The following WWC2 variants were observed in gnomAD, a reference collection of about 807,000 sequenced individuals.
The protein encoded by WWC2 is protein WWC2.
Under a neutral mutation model 138.5 loss-of-function variants are expected in WWC2, and 101 were observed. The ratio of observed to expected loss-of-function variants is 0.73; its 90% confidence interval spans 0.62 to 0.86. The LOEUF is 0.86. Among genes scored for constraint, WWC2 ranks in the 40% least tolerant of loss-of-function variants. WWC2 has a pLI of 0.00. For missense variants in WWC2, 1,420 were observed against 1,419.4 expected, an observed-to-expected ratio of 1.00 and a Z score of -0.01; for synonymous variants, 558 against 538.4, an observed-to-expected ratio of 1.04 and a Z score of -0.50.
intron 1 of WWC2, 102 bp from the exon 2 acceptor site, chr4:183,193,497 G>A (rs2111210575): frequency 1.1e-6 from 1 of 937,276 alleles, no homozygotes; most frequent in Non-Finnish European, 1.6e-6. Flanking sequence ...TTTTCTTTAA[G>A]ATTTTAAATG....
chr4:183,170,882 A>G (rs1017781789), intron 1 of WWC2, among the ~76,000 whole-genome samples: 8 of 150,226 alleles, frequency 5.3e-5, no homozygotes, highest in Admixed American at 2.7e-4. Context: ...GTCTCGCTAT[A>G]TTTCCTAGAC....
intron 4 of WWC2, among the ~76,000 whole-genome samples, chr4:183,209,259 GT>G (rs917803498): frequency 6.6e-6 from 1 of 152,006 alleles, no homozygotes; most frequent in Non-Finnish European, 1.5e-5. Context: ...TTGTTTGTTT[GT>G]TTTTTTGAGA....
intron 9 of WWC2, among the ~76,000 whole-genome samples, chr4:183,257,335 A>C (rs922435628): frequency 6.6e-6 from 1 of 152,178 alleles, no homozygotes; most frequent in African/African-American, 2.4e-5. Context: ...TATAGATGAC[A>C]TGAAATTTTC....
rs534817084 is a variant in WWC2, at chr4:183,134,658, A to T, written c.131+35036A>T. Among the ~76,000 whole-genome samples the T allele has an allele frequency of 3.9e-5, 6 of 151,940 alleles. No individual in the cohort carries two copies. In the East Asian group the frequency reaches 1.2e-3, roughly 29 times the overall value. ...TCTCACCATGAATTCTAGTTTGTGA[A>T]TTTTTTCACATAATTCTCATGATTT... On this transcript the variant is annotated intron_variant, in intron 1 of 22. Coordinates refer to ENST00000403733, the MANE Select transcript of WWC2 (RefSeq NM_024949.6).
intron 1 of WWC2, among the ~76,000 whole-genome samples, chr4:183,171,898 C>A (rs1734296865): frequency 6.6e-6 from 1 of 152,130 alleles, no homozygotes; most frequent in Non-Finnish European, 1.5e-5. Flanking sequence ...CATGTGCCTC[C>A]CTCCCCTCAT....
intron 8 of WWC2, among the ~76,000 whole-genome samples, chr4:183,250,241 T>C (rs375764404): frequency 7.6e-6 from 1 of 131,632 alleles, no homozygotes; most frequent in African/African-American, 2.9e-5. Context: ...ACTTGCCCCC[T>C]TCTCCTCTGA....
chr4:183,115,125 T>A (rs542697002), intron 1 of WWC2, among the ~76,000 whole-genome samples: 2 of 152,298 alleles, frequency 1.3e-5, no homozygotes. Context: ...ACATGCGGTA[T>A]TTGGTTTTCT....
intron 2 of WWC2, among the ~76,000 whole-genome samples, chr4:183,203,967 G>A (rs1345145175): frequency 1.3e-5 from 2 of 152,122 alleles, no homozygotes; most frequent in Admixed American, 6.5e-5. Context: ...ATTATACAAG[G>A]GTATGTTGGG....
intron 4 of WWC2, among the ~76,000 whole-genome samples, chr4:183,221,311 A>G (rs1735929478): frequency 6.6e-6 from 1 of 152,208 alleles, no homozygotes; most frequent in Non-Finnish European, 1.5e-5. Context: ...GACCAATACA[A>G]CTGCAAGGTG....
At chr4:183,199,716 A>G (rs1177612831) in intron 2 of WWC2, among the ~76,000 whole-genome samples, 2 of 152,164 alleles carry the variant, frequency 1.3e-5, no homozygotes, top group African/African-American at 4.8e-5. Flanking sequence ...GAAGAATCTA[A>G]TGTTATCTTC....
At chr4:183,186,635 G>A (rs754168419) in intron 1 of WWC2, among the ~76,000 whole-genome samples, 42 of 152,192 alleles carry the variant, frequency 2.8e-4, no homozygotes, top group African/African-American at 9.7e-4. Flanking sequence ...TGAGACTGCA[G>A]AGTAGAGAGG....
At chr4:183,225,443 GAAA>G (rs1736042186) in intron 4 of WWC2, among the ~76,000 whole-genome samples, 2 of 152,132 alleles carry the variant, frequency 1.3e-5, no homozygotes, top group African/African-American at 4.8e-5. Flanking sequence ...AAGGTGAAAA[GAAA>G]ATAAAGGTGA....
chr4:183,245,579 C>T (rs1205549676), intron 6 of WWC2, 34 bp downstream of exon 6: 1 of 1,533,664 alleles, frequency 6.5e-7, no homozygotes, highest in Non-Finnish European at 8.7e-7. Context: ...AGCCAAACTT[C>T]TACCTTCTGA....
chr4:183,288,937 T>G lies in WWC2; in HGVS notation c.3142-456T>G, dbSNP rs532973853. On this transcript the variant is annotated intron_variant, in intron 20 of 22. Coordinates refer to ENST00000403733, the MANE Select transcript of WWC2 (RefSeq NM_024949.6). ...AGAAATGTCTTGCAATGTATTTATTTATTACACTAGGCGGGCTTCATGCAA... is the reference window on the plus strand; with the variant it reads ...AGAAATGTCTTGCAATGTATTTATTGATTACACTAGGCGGGCTTCATGCAA... 2.6e-5 allele frequency among the ~76,000 whole-genome samples: 4 copies of G among 152,368 alleles called. No individual in the cohort carries two copies. In the South Asian group the frequency reaches 8.3e-4, roughly 32 times the overall value.
intron 4 of WWC2, among the ~76,000 whole-genome samples, chr4:183,231,365 G>A (rs1222085500): frequency 7.1e-6 from 1 of 140,536 alleles, no homozygotes; most frequent in Non-Finnish European, 1.5e-5. Context: ...CGCCTCCTGT[G>A]TTCAGGCGAT....
In WWC2 at chr4:183,301,725, T is replaced by A. The variant is rs1039182899; in HGVS notation, c.3385-10616T>A. Among the ~76,000 whole-genome samples, 118 of 152,246 alleles carry A rather than the reference T, an allele frequency of 7.8e-4. 1 individual carries two copies. Among genetic ancestry groups the A allele is most frequent in the Non-Finnish European group, 2.4e-4 (16 of 68,038 alleles). On this transcript the variant is annotated intron_variant, in intron 21 of 22. Transcript: ENST00000403733. The stretch of plus-strand genomic sequence containing the variant: ...GCTTTGAGAATATTTTAATTTTTTT[T>A]AAATGCTTAAGTAACACATGGTTAT...
chr4:183,160,914 CAGA>C (rs1392817745), intron 1 of WWC2, among the ~76,000 whole-genome samples: 1 of 151,990 alleles, frequency 6.6e-6, no homozygotes, highest in African/African-American at 2.4e-5. Context: ...ACTTGTGCCA[CAGA>C]AGATGTAAGA....
intron 1 of WWC2, among the ~76,000 whole-genome samples, chr4:183,156,128 G>A (rs747551605): frequency 4.6e-5 from 7 of 151,966 alleles, no homozygotes; most frequent in Non-Finnish European, 1.0e-4. Context: ...CCAGGTTCAA[G>A]CTATTCTCCT....
intron 4 of WWC2, among the ~76,000 whole-genome samples, chr4:183,209,852 T>A (rs934801092): frequency 6.6e-6 from 1 of 152,230 alleles, no homozygotes; most frequent in African/African-American, 2.4e-5. Context: ...AATAAACTCA[T>A]GTAACCAATA....
Sources: gnomAD v4.1 joint callset for allele counts (sites outside exome capture counted in the v4.1 genomes callset) on GRCh38, gnomAD v4.1.1 for gene constraint, MANE v1.5 for transcripts, NCBI Gene and HGNC (gene_info 2026-07-23, HGNC 2026-07-21) for gene names.